The following FILIP1L variants were observed in gnomAD, a reference collection of about 807,000 sequenced individuals.
The protein encoded by FILIP1L is filamin A interacting protein 1 like, also known as filamin A-interacting protein 1-like.
Under a neutral mutation model 96.6 loss-of-function variants are expected in FILIP1L, and 55 were observed. That is an observed-to-expected ratio of 0.57 (90% CI 0.46 to 0.71). The LOEUF (loss-of-function observed/expected upper bound fraction) is 0.71. FILIP1L is among the 30% of genes least tolerant of loss of function. The pLI, the probability that FILIP1L is intolerant of heterozygous loss-of-function variation, is 0.00. For missense variants in FILIP1L, 1,304 were observed against 1,321.2 expected (o/e 0.99, Z 0.20); for synonymous variants, 467 against 473.9 (o/e 0.99, Z 0.19).
intron 1 of FILIP1L, among the ~76,000 whole-genome samples, chr3:99,932,184 C>T (rs1157849199): frequency 6.6e-6 from 1 of 152,084 alleles, no homozygotes; most frequent in African/African-American, 2.4e-5. Context: ...CCTTCTCCTC[C>T]CTTCCCACTC....
At chr3:100,058,947 G>T (rs1391277842) in intron 1 of FILIP1L, among the ~76,000 whole-genome samples, 2 of 152,214 alleles carry the variant, frequency 1.3e-5, no homozygotes, top group Non-Finnish European at 2.9e-5. Context: ...GGACAGCATG[G>T]AGAAGGCATT....
intron 4 of FILIP1L, among the ~76,000 whole-genome samples, chr3:99,865,528 G>C (rs1250920241): frequency 6.6e-6 from 1 of 152,106 alleles, no homozygotes; most frequent in Non-Finnish European, 1.5e-5. Context: ...TATTCTCTTA[G>C]TCATTATAAT....
intron 1 of FILIP1L, chr3:99,964,365 C>T (rs1708584087): frequency 6.7e-6 from 1 of 149,154 alleles, no homozygotes; most frequent in Non-Finnish European, 1.5e-5. Flanking sequence ...ATTTCTAAGT[C>T]TCTTGAGTAC....
intron 4 of FILIP1L, among the ~76,000 whole-genome samples, chr3:99,860,699 T>C (rs540034679): frequency 6.6e-6 from 1 of 152,262 alleles, no homozygotes; most frequent in East Asian, 1.9e-4. Flanking sequence ...CTTGAAAAGA[T>C]GCTCAGGCTA....
intron 5 of FILIP1L, among the ~76,000 whole-genome samples, chr3:99,846,705 C>T (rs572909330): frequency 1.1e-3 from 173 of 152,292 alleles, no homozygotes; most frequent in African/African-American, 2.4e-3. Flanking sequence ...AACAAATCCT[C>T]GCTTTACTAT....
intron 4 of FILIP1L, among the ~76,000 whole-genome samples, chr3:99,865,499 A>C (rs958634761): frequency 1.3e-5 from 2 of 152,178 alleles, no homozygotes; most frequent in Non-Finnish European, 2.9e-5. Context: ...TTGAGCCTTG[A>C]TCTTGAGACA....
At chr3:99,845,699 T>G (rs771629758) in intron 5 of FILIP1L, among the ~76,000 whole-genome samples, 2 of 152,238 alleles carry the variant, frequency 1.3e-5, no homozygotes, top group Non-Finnish European at 2.9e-5. Context: ...TTGTGTCATT[T>G]TAGGTGTAAT....
intron 1 of FILIP1L, among the ~76,000 whole-genome samples, chr3:100,065,027 G>A (rs1244970274): frequency 6.6e-6 from 1 of 152,160 alleles, no homozygotes; most frequent in Non-Finnish European, 1.5e-5. Flanking sequence ...GTGAGATGAG[G>A]AACAAGATAC....
intron 4 of FILIP1L, among the ~76,000 whole-genome samples, chr3:99,923,282 G>A (rs752959642): frequency 6.6e-6 from 1 of 151,986 alleles, no homozygotes; most frequent in Non-Finnish European, 1.5e-5. Context: ...CTGACCATGG[G>A]TTGACTTTAT....
At chr3:99,955,934 G>A (rs569383250) in intron 1 of FILIP1L, among the ~76,000 whole-genome samples, 52 of 152,118 alleles carry the variant, frequency 3.4e-4, no homozygotes, top group Non-Finnish European at 7.2e-4. Flanking sequence ...CTTACATAGC[G>A]CTTACCACAT....
At chr3:100,050,716 G>A (rs2065356842) in intron 1 of FILIP1L, among the ~76,000 whole-genome samples, 1 of 152,138 alleles carries the variant, frequency 6.6e-6, no homozygotes. Flanking sequence ...TTTTAGTACA[G>A]ATGGGGTTTC....
intron 1 of FILIP1L, among the ~76,000 whole-genome samples, chr3:100,024,201 A>T (rs2064877559): frequency 6.6e-6 from 1 of 152,132 alleles, no homozygotes; most frequent in African/African-American, 2.4e-5. Flanking sequence ...GTAATATTTC[A>T]CCATGGTTCT....
chr3:100,074,674 G>GTTTTTTTT (rs1559748772), intron 1 of FILIP1L, among the ~76,000 whole-genome samples: 6 of 25,108 alleles, frequency 2.4e-4, no homozygotes, highest in Admixed American at 8.1e-4. Flanking sequence ...TGCAACATTT[G>GTTTTTTTT]ATTTTTTTTT....
chr3:100,031,619 TTC>T (rs1264243841), intron 1 of FILIP1L, among the ~76,000 whole-genome samples: 1 of 152,028 alleles, frequency 6.6e-6, no homozygotes, highest in East Asian at 1.9e-4. Flanking sequence ...TCCTCCTGTG[TTC>T]TTTTTTTTTA....
intron 1 of FILIP1L, among the ~76,000 whole-genome samples, chr3:99,975,365 G>C (rs1708938644): frequency 6.6e-6 from 1 of 152,178 alleles, no homozygotes; most frequent in Non-Finnish European, 1.5e-5. Flanking sequence ...ACTGACAACA[G>C]ACAGGCAGTG....
chr3:99,867,087 C>T (rs953410433), intron 4 of FILIP1L, among the ~76,000 whole-genome samples: 1 of 152,138 alleles, frequency 6.6e-6, no homozygotes, highest in African/African-American at 2.4e-5. Flanking sequence ...TTAAGATGAA[C>T]ATGTTCTAGA....
chr3:99,989,586 T>C (rs1265699179), intron 1 of FILIP1L, among the ~76,000 whole-genome samples: 2 of 152,068 alleles, frequency 1.3e-5, no homozygotes, highest in African/African-American at 4.8e-5. Context: ...ACTCTGACTT[T>C]ATTTTGAAAT....
At chr3:99,949,582 A>G (rs924985549) in intron 1 of FILIP1L, among the ~76,000 whole-genome samples, 6 of 152,224 alleles carry the variant, frequency 3.9e-5, no homozygotes, top group African/African-American at 1.4e-4. Flanking sequence ...AATCTTTCTC[A>G]GGGCACTAAC....
intron 1 of FILIP1L, among the ~76,000 whole-genome samples, chr3:100,111,426 C>T (rs942281452): frequency 6.6e-6 from 1 of 152,176 alleles, no homozygotes; most frequent in East Asian, 1.9e-4. Context: ...GTTTATCTAT[C>T]TGCTGAACAG....
Sources: allele counts gnomAD v4.1 joint callset (sites outside exome capture counted in the v4.1 genomes callset), GRCh38; gene constraint gnomAD v4.1.1; transcripts MANE v1.5; gene names NCBI Gene and HGNC (gene_info 2026-07-23, HGNC 2026-07-21).